The following CAST variants were observed in gnomAD, a reference collection of about 807,000 sequenced individuals.
CAST encodes the protein calpastatin.
In CAST, 76 loss-of-function variants were observed where a neutral mutation model predicts 119.6. The ratio of observed to expected loss-of-function variants is 0.64; its 90% CI spans 0.53 to 0.77. CAST has a LOEUF of 0.77. CAST is among the 30% of genes least tolerant of loss of function. The pLI, the probability that CAST is intolerant of heterozygous loss-of-function variation, is 0.00. For missense variants in CAST, 953 were observed against 946.5 expected (o/e 1.01, Z -0.09); for synonymous variants, 319 against 331.6 (o/e 0.96, Z 0.41).
intron 26 of CAST, 151 bp downstream of exon 26, chr5:96,765,476 C>G (rs1769586214): frequency 1.7e-6 from 1 of 581,928 alleles, no homozygotes; most frequent in Non-Finnish European, 3.0e-6. Context: ...TCAATCTGTA[C>G]TCCACTGGAG....
At chr5:96,724,578 C>G (rs978152005) in intron 4 of CAST, among the ~76,000 whole-genome samples, 1 of 152,142 alleles carries the variant, frequency 6.6e-6, no homozygotes, top group Non-Finnish European at 1.5e-5. Flanking sequence ...CACCTATAAT[C>G]CCAGCATTTT....
chr5:96,237,686 G>A, the CAST span, among the ~76,000 whole-genome samples: 1 of 151,708 alleles, frequency 6.6e-6, no homozygotes, highest in Non-Finnish European at 1.5e-5. Context: ...CTATAAACAT[G>A]TAATTTCTAT....
chr5:96,331,961 GA>G, the CAST span, among the ~76,000 whole-genome samples: 1 of 152,190 alleles, frequency 6.6e-6, no homozygotes, highest in South Asian at 2.1e-4. Flanking sequence ...GCAGAAGGTG[GA>G]ACAGTCACTC....
chr5:96,644,431 A>G (rs1747991774), intron 1 of CAST, among the ~76,000 whole-genome samples: 1 of 152,236 alleles, frequency 6.6e-6, no homozygotes, highest in South Asian at 2.1e-4. Context: ...AAAAATTATT[A>G]TTACAAATAA....
intron 1 of CAST, among the ~76,000 whole-genome samples, chr5:96,646,083 G>A (rs1748011327): frequency 6.6e-6 from 1 of 152,076 alleles, no homozygotes; most frequent in African/African-American, 2.4e-5. Flanking sequence ...AGGAGGTAAT[G>A]TTTTTGTCGC....
At chr5:96,013,200 T>C in the CAST span, among the ~76,000 whole-genome samples, 1 of 151,680 alleles carries the variant, frequency 6.6e-6, no homozygotes, top group African/African-American at 2.4e-5. Context: ...TATGCTTTTT[T>C]TTTTTTGCTC....
chr5:96,238,301 TTTCTTC>T, the CAST span, among the ~76,000 whole-genome samples: 80 of 94,884 alleles, frequency 8.4e-4, 1 homozygote, highest in Middle Eastern at 6.8e-3. Flanking sequence ...TGCAAATCTG[TTTCTTC>T]TTCTTCTTCT....
intron 2 of CAST, among the ~76,000 whole-genome samples, chr5:96,681,732 CAAA>C (rs70981836): frequency 4.5e-5 from 4 of 89,428 alleles, no homozygotes; most frequent in Admixed American, 1.1e-4. Context: ...GACTCCGTCT[CAAA>C]AAAAAAAAAA....
the CAST span, among the ~76,000 whole-genome samples, chr5:96,406,087 G>T: frequency 6.6e-6 from 1 of 152,082 alleles, no homozygotes; most frequent in Middle Eastern, 3.2e-3. Context: ...ATTCATGTTG[G>T]ATTACCTATG....
the CAST span, among the ~76,000 whole-genome samples, chr5:96,299,764 CTATTG>C: frequency 6.6e-6 from 1 of 151,940 alleles, no homozygotes; most frequent in South Asian, 2.1e-4. Context: ...ATTTTATTTT[CTATTG>C]TATTTATTTT....
chr5:96,160,184 G>A, the CAST span, among the ~76,000 whole-genome samples: 1 of 151,768 alleles, frequency 6.6e-6, no homozygotes, highest in Non-Finnish European at 1.5e-5. Flanking sequence ...TATTCACAGA[G>A]TCATACAGCC....
intron 11 of CAST, among the ~76,000 whole-genome samples, chr5:96,738,418 G>C (rs949985375): frequency 6.6e-6 from 1 of 152,150 alleles, no homozygotes; most frequent in Non-Finnish European, 1.5e-5. Flanking sequence ...ATCGGGGATG[G>C]AAATTGTCTT....
At chr5:96,063,037 G>A in the CAST span, among the ~76,000 whole-genome samples, 1 of 152,134 alleles carries the variant, frequency 6.6e-6, no homozygotes, top group Non-Finnish European at 1.5e-5. Flanking sequence ...TCTGCAGGAA[G>A]AGATGACCAA....
chr5:95,980,366 A>G, the CAST span: 1 of 152,128 alleles, frequency 6.6e-6, no homozygotes, highest in Non-Finnish European at 1.5e-5. Context: ...CCTGGAGGCC[A>G]TCTTCTAGTG....
At chr5:96,170,183 A>G in the CAST span, among the ~76,000 whole-genome samples, 3 of 152,148 alleles carry the variant, frequency 2.0e-5, no homozygotes, top group African/African-American at 7.2e-5. Flanking sequence ...TCTGGGAAGG[A>G]GTCAGTCAGA....
chr5:96,764,226 A>G (rs1270016308), intron 25 of CAST, among the ~76,000 whole-genome samples: 1 of 152,286 alleles, frequency 6.6e-6, no homozygotes, highest in Non-Finnish European at 1.5e-5. Context: ...GTTGGGTCCT[A>G]ACATACAACT....
the CAST span, among the ~76,000 whole-genome samples, chr5:96,271,583 G>A: frequency 5.3e-5 from 8 of 150,952 alleles, no homozygotes; most frequent in Admixed American, 1.3e-4. Flanking sequence ...TATCTCTCAC[G>A]ATGTACAAAA....
At chr5:96,589,706 C>G (rs993074527) in intron 1 of CAST, among the ~76,000 whole-genome samples, 97 of 152,262 alleles carry the variant, frequency 6.4e-4, no homozygotes, top group African/African-American at 2.2e-3. Flanking sequence ...TTCTCTATAG[C>G]AAGGACTAGG....
chr5:96,066,834 A>AATT, the CAST span, among the ~76,000 whole-genome samples: 5 of 151,508 alleles, frequency 3.3e-5, no homozygotes, highest in East Asian at 9.7e-4. Context: ...AAGTTAACAA[A>AATT]ATTTTTTTTT....
Sources: gnomAD v4.1 joint callset for allele counts (sites outside exome capture counted in the v4.1 genomes callset) on GRCh38, gnomAD v4.1.1 for gene constraint, MANE v1.5 for transcripts, NCBI Gene and HGNC (gene_info 2026-07-23, HGNC 2026-07-21) for gene names.